RAB27A: variants seen among roughly 807,000 people sequenced by gnomAD.
RAB27A encodes the protein ras-related protein Rab-27A.
In RAB27A, 17 loss-of-function variants were observed where a neutral mutation model predicts 20.8. The ratio of observed to expected loss-of-function variants is 0.82; its 90% CI spans 0.56 to 1.23. The LOEUF is 1.23. RAB27A is among the 50% of genes most tolerant of loss of function. RAB27A has a pLI of 0.00. For missense variants in RAB27A, 277 were observed against 266.7 expected (o/e 1.04, Z -0.27); for synonymous variants, 85 against 92.8 (o/e 0.92, Z 0.48).
intron 2 of RAB27A, among the ~76,000 whole-genome samples, chr15:55,309,001 T>C (rs1464350746): frequency 1.3e-5 from 2 of 152,154 alleles, no homozygotes; most frequent in African/African-American, 4.8e-5. Flanking sequence ...CTATTCCTGG[T>C]TTTTTTATGA....
chr15:55,214,454 A>C (rs144890132), intron 6 of RAB27A, among the ~76,000 whole-genome samples: 2 of 152,220 alleles, frequency 1.3e-5, no homozygotes, highest in East Asian at 3.9e-4. Context: ...AACAACAACA[A>C]CAAAAACTGG....
intron 2 of RAB27A, among the ~76,000 whole-genome samples, chr15:55,259,579 G>A (rs1181557886): frequency 6.6e-6 from 1 of 152,118 alleles, no homozygotes; most frequent in Admixed American, 6.5e-5. Context: ...GAGCCACCAT[G>A]CCCAGCCAAG....
intron 3 of RAB27A, among the ~76,000 whole-genome samples, chr15:55,230,728 T>C (rs756051238): frequency 8.5e-5 from 13 of 152,148 alleles, no homozygotes; most frequent in Non-Finnish European, 1.8e-4. Flanking sequence ...AAACAACTTG[T>C]ATAAAATATA....
At chr15:55,259,304 T>C (rs1375572075) in intron 2 of RAB27A, among the ~76,000 whole-genome samples, 2 of 147,522 alleles carry the variant, frequency 1.4e-5, no homozygotes, top group Non-Finnish European at 3.0e-5. Context: ...AGAAAGTCTC[T>C]TTTTTTTTTA....
chr15:55,210,379 A>T, intron 6 of RAB27A, among the ~76,000 whole-genome samples: 1 of 141,988 alleles, frequency 7.0e-6, no homozygotes, highest in African/African-American at 2.7e-5. Flanking sequence ...CTGCATCCTC[A>T]CCAGCATCCA....
intron 2 of RAB27A, among the ~76,000 whole-genome samples, chr15:55,309,222 G>A (rs1206676932): frequency 1.3e-5 from 2 of 152,224 alleles, no homozygotes; most frequent in East Asian, 3.9e-4. Flanking sequence ...GTTATGCCAA[G>A]GAACCCTCTT....
chr15:55,210,751 A>G (rs967337440), intron 6 of RAB27A, among the ~76,000 whole-genome samples: 1 of 152,038 alleles, frequency 6.6e-6, no homozygotes. Context: ...TTTGCTGTGT[A>G]GAAGCTTTTT....
chr15:55,301,828 T>C (rs2054973484), intron 2 of RAB27A, among the ~76,000 whole-genome samples: 1 of 151,914 alleles, frequency 6.6e-6, no homozygotes, highest in African/African-American at 2.4e-5. Context: ...GTATTTTCAG[T>C]AGAGATAGGG....
rs778390086 is a variant in RAB27A at position 55,205,577 on chromosome 15, A to G, written c.596T>C (p.Val199Ala). The G allele has an allele frequency of 1.2e-6, 2 of 1,613,996 alleles. No homozygotes were observed. The highest frequency in any genetic ancestry group is 2.7e-5 in the African/African-American group (2 of 74,924). The change falls in exon 7 of 7, where the codon GTG (valine) becomes GCG (alanine). Residue 199 changes from valine (V) to alanine (A), a missense_variant. Physicochemically the swap from Val to Ala is moderately conservative, Grantham distance 64. Coordinates refer to ENST00000336787, the MANE Select transcript of RAB27A (RefSeq NM_183235.3). ...VDKSWIPEGV[V>A]RSNGHASTDQ... ...CGTAGAGGCATGACCATTTGATCGC[A>G]CCACTCCTTCAGGAATCCAGGACTT... is the stretch of plus-strand genomic sequence containing the variant.
At chr15:55,225,557 A>C (rs1895763316) in intron 5 of RAB27A, among the ~76,000 whole-genome samples, 1 of 152,218 alleles carries the variant, frequency 6.6e-6, no homozygotes, top group African/African-American at 2.4e-5. Flanking sequence ...TGTTTTAAAA[A>C]GTCCTCCAGG....
chr15:55,291,321 T>C (rs1205698962), upstream of RAB27A, among the ~76,000 whole-genome samples: 1 of 151,874 alleles, frequency 6.6e-6, no homozygotes, highest in African/African-American at 2.4e-5. Flanking sequence ...CCATCCTGGC[T>C]AACACGGTGA....
rs558962123 is a variant in RAB27A, at chr15:55,280,574, A to AG, written c.-143+9141dup. 6.6e-5 allele frequency among the ~76,000 whole-genome samples: 10 copies of AG among 151,146 alleles called. No homozygotes were observed. In the South Asian group the frequency reaches 1.9e-3, roughly 28 times the overall value. ...TGCACAATGTGCAGGCTTGATACATAGGTATACAGGTGCCATGTTGGTTTG... is the reference window on the plus strand; with the variant it reads ...TGCACAATGTGCAGGCTTGATACATAGGGTATACAGGTGCCATGTTGGTTTG... On this transcript the variant is annotated intron_variant, in intron 1 of 6. Coordinates refer to ENST00000336787, the MANE Select transcript of RAB27A (RefSeq NM_183235.3).
At chr15:55,261,998 T>C (rs556155428) in intron 2 of RAB27A, among the ~76,000 whole-genome samples, 12 of 151,110 alleles carry the variant, frequency 7.9e-5, no homozygotes, top group South Asian at 4.2e-4. Context: ...AATGGCACAA[T>C]TGCACTCTGG....
intron 2 of RAB27A, among the ~76,000 whole-genome samples, chr15:55,258,086 A>G (rs1273288632): frequency 2.0e-5 from 3 of 150,970 alleles, no homozygotes; most frequent in Non-Finnish European, 4.4e-5. Context: ...AAAAAAAAAA[A>G]GGAAACACAC....
chr15:55,252,041 CA>C (rs1369396056), intron 2 of RAB27A, among the ~76,000 whole-genome samples: 1 of 152,134 alleles, frequency 6.6e-6, no homozygotes, highest in African/African-American at 2.4e-5. Context: ...GACAGGTGTT[CA>C]AAGTCATACC....
At chr15:55,318,300 T>C (rs2055076812) in intron 1 of RAB27A, among the ~76,000 whole-genome samples, 1 of 150,894 alleles carries the variant, frequency 6.6e-6, no homozygotes, top group Admixed American at 6.6e-5. Flanking sequence ...GGTTTCACCG[T>C]GTTAGCCAGG....
intron 1 of RAB27A, among the ~76,000 whole-genome samples, chr15:55,273,418 A>AT (rs1198423414): frequency 1.3e-5 from 2 of 151,110 alleles, no homozygotes; most frequent in Non-Finnish European, 3.0e-5. Context: ...CAAAAAAAAA[A>AT]AAATAAAAAT....
At position 55,234,901 on chromosome 15, in the gene RAB27A, A is replaced by T; in HGVS notation, c.34T>A (p.Phe12Ile). The T allele has an allele frequency of 6.2e-7, 1 of 1,612,972 alleles. No homozygotes were observed. The highest frequency in any genetic ancestry group is 1.1e-5 in the South Asian group (1 of 91,080). The change falls in exon 3 of 7, where the codon TTT becomes ATT. Residue 12 changes from phenylalanine to isoleucine, a missense_variant. Transcript: ENST00000336787. The stretch of plus-strand genomic sequence containing the variant: ...ACACCAGAGTCTCCCAAAGCTAAAA[A>T]CTTGATGAGGTAATCATAATCTCCA... Reference protein sequence around the residue: ...SDGDYDYLIKFLALGDSGVGK... With the variant: ...SDGDYDYLIKILALGDSGVGK...
intron 2 of RAB27A, among the ~76,000 whole-genome samples, chr15:55,253,307 C>T (rs534378990): frequency 2.6e-5 from 4 of 151,830 alleles, no homozygotes; most frequent in Admixed American, 2.0e-4. Flanking sequence ...ATTAGCCGGG[C>T]ACGGTGGCGG....
Sources: gnomAD v4.1 joint callset for allele counts (sites outside exome capture counted in the v4.1 genomes callset) on GRCh38, gnomAD v4.1.1 for gene constraint, MANE v1.5 for transcripts, NCBI Gene and HGNC (gene_info 2026-07-23, HGNC 2026-07-21) for gene names.